KCNJ6: variants seen among roughly 807,000 people sequenced by gnomAD.
KCNJ6 encodes the protein G protein-activated inward rectifier potassium channel 2.
In KCNJ6, 9 loss-of-function variants were observed where a neutral mutation model predicts 34.2. The ratio of observed to expected loss-of-function variants is 0.26; its 90% CI spans 0.16 to 0.46. The LOEUF (loss-of-function observed/expected upper bound fraction) is 0.46. KCNJ6 is among the 20% of genes least tolerant of loss of function. KCNJ6 has a pLI of 1.00. For synonymous variants in KCNJ6, 196 were observed against 207.1 expected (o/e 0.95, Z 0.46); for missense variants, 236 against 531.3 (o/e 0.44, Z 5.46).
chr21:37,641,174 G>A (rs2054379204), intron 3 of KCNJ6, among the ~76,000 whole-genome samples: 1 of 152,152 alleles, frequency 6.6e-6, no homozygotes, highest in Admixed American at 6.5e-5. Flanking sequence ...TCTGGGGATG[G>A]GGGTTTCTGT....
Position 37,741,560 on chromosome 21 carries a change from C to G in KCNJ6, c.26-26429G>C, listed in dbSNP as rs577295953. 3.3e-5 allele frequency among the ~76,000 whole-genome samples: 5 copies of G among 152,306 alleles called. No individual in the cohort carries two copies. The South Asian group carries it at 1.0e-3, about 32-fold the overall frequency. On this transcript the variant is annotated intron_variant, in intron 2 of 3. Transcript: ENST00000609713. ...GTGATGGCTCTAGATGTTGCCAGCC[C>G]TGGGTTCCTCTCCTTTCCTTCTTGG...
chr21:37,732,311 C>T (rs1314551033), intron 2 of KCNJ6, among the ~76,000 whole-genome samples: 4 of 152,174 alleles, frequency 2.6e-5, no homozygotes, highest in African/African-American at 9.7e-5. Flanking sequence ...GACAGTTGTT[C>T]CAGTCTTTCC....
chr21:37,847,023 G>A (rs948657171), intron 1 of KCNJ6, among the ~76,000 whole-genome samples: 2 of 152,142 alleles, frequency 1.3e-5, no homozygotes, highest in Non-Finnish European at 2.9e-5. Flanking sequence ...TTGAGTTGCT[G>A]CCGAAAAATA....
chr21:37,778,696 C>CGTGCGTGTGTGTGT (rs2055154476), intron 2 of KCNJ6, among the ~76,000 whole-genome samples: 1 of 146,170 alleles, frequency 6.8e-6, no homozygotes, highest in East Asian at 2.0e-4. Flanking sequence ...GTGCTGTGTG[C>CGTGCGTGTGTGTGT]GTGTGTGTGT....
At chr21:37,649,157 A>AAAAC (rs755535850) in intron 3 of KCNJ6, among the ~76,000 whole-genome samples, 3,243 of 133,816 alleles carry the variant, frequency 0.024, 237 homozygotes, top group Middle Eastern at 0.034. Context: ...AAAAAAAAGA[A>AAAAC]AGAAAAAGAA....
chr21:37,810,154 AT>A (rs1186304679), intron 2 of KCNJ6, among the ~76,000 whole-genome samples: 4 of 151,932 alleles, frequency 2.6e-5, no homozygotes, highest in African/African-American at 9.7e-5. Context: ...AACACACAAA[AT>A]TTTTTCAAGT....
intron 2 of KCNJ6, among the ~76,000 whole-genome samples, chr21:37,753,311 T>A (rs1324851721): frequency 6.6e-6 from 1 of 152,210 alleles, no homozygotes; most frequent in Non-Finnish European, 1.5e-5. Flanking sequence ...GCTGTGATCC[T>A]GAACGTCCCC....
At chr21:37,715,711 T>A (rs901658825) in intron 2 of KCNJ6, among the ~76,000 whole-genome samples, 1 of 152,084 alleles carries the variant, frequency 6.6e-6, no homozygotes, top group Non-Finnish European at 1.5e-5. Context: ...AGGACTGGTA[T>A]CCTTATGCGA....
intron 2 of KCNJ6, among the ~76,000 whole-genome samples, chr21:37,792,717 G>A (rs2055222551): frequency 6.6e-6 from 1 of 152,166 alleles, no homozygotes. Flanking sequence ...CACACAGTGA[G>A]TCTAGGGAGC....
intron 2 of KCNJ6, among the ~76,000 whole-genome samples, chr21:37,817,584 G>T (rs2055352569): frequency 6.6e-6 from 1 of 152,194 alleles, no homozygotes; most frequent in African/African-American, 2.4e-5. Context: ...TTTCTCCAAA[G>T]TATTTTCCTT....
At chr21:37,637,829 CACACAGA>C (rs1184600665) in intron 3 of KCNJ6, among the ~76,000 whole-genome samples, 1 of 152,210 alleles carries the variant, frequency 6.6e-6, no homozygotes, top group East Asian at 1.9e-4. Flanking sequence ...TTTCTACATG[CACACAGA>C]AGAGGCCGTG....
intron 3 of KCNJ6, among the ~76,000 whole-genome samples, chr21:37,659,073 CTTTG>C (rs954943512): frequency 6.6e-6 from 1 of 152,254 alleles, no homozygotes; most frequent in African/African-American, 2.4e-5. Context: ...TGCTTTGCTA[CTTTG>C]TAAGGGCTTC....
intron 2 of KCNJ6, among the ~76,000 whole-genome samples, chr21:37,775,851 T>C (rs918838848): frequency 9.9e-5 from 15 of 151,712 alleles, no homozygotes; most frequent in African/African-American, 3.6e-4. Flanking sequence ...TTTGGTTCCA[T>C]ATGAACTTTA....
chr21:37,761,911 A>C (rs1014633426), intron 2 of KCNJ6, among the ~76,000 whole-genome samples: 1 of 152,084 alleles, frequency 6.6e-6, no homozygotes, highest in African/African-American at 2.4e-5. Flanking sequence ...TACACTTTCC[A>C]CACCTTTTGC....
intron 2 of KCNJ6, among the ~76,000 whole-genome samples, chr21:37,732,768 T>G (rs2054892378): frequency 6.6e-6 from 1 of 152,140 alleles, no homozygotes; most frequent in East Asian, 1.9e-4. Flanking sequence ...AAAATTGAAT[T>G]TCATTTTCTC....
intron 1 of KCNJ6, among the ~76,000 whole-genome samples, chr21:37,896,717 C>G (rs142383034): frequency 6.0e-4 from 92 of 152,236 alleles, no homozygotes; most frequent in African/African-American, 2.0e-3. Flanking sequence ...TAGGAACACT[C>G]AGGGTTTCTC....
chr21:37,657,418 G>A (rs1384872287), intron 3 of KCNJ6, among the ~76,000 whole-genome samples: 1 of 152,216 alleles, frequency 6.6e-6, no homozygotes, highest in African/African-American at 2.4e-5. Flanking sequence ...TCTGGGGTGA[G>A]GCTCAGCAGT....
intron 2 of KCNJ6, among the ~76,000 whole-genome samples, chr21:37,832,415 C>T (rs182618557): frequency 2.0e-5 from 3 of 152,094 alleles, no homozygotes; most frequent in Admixed American, 2.0e-4. Context: ...CTTCCTCGGC[C>T]CTTAACTCCC....
chr21:37,660,829 G>A (rs2835881), intron 3 of KCNJ6, among the ~76,000 whole-genome samples: 70,685 of 152,014 alleles, frequency 0.46, 16,614 homozygotes, highest in Middle Eastern at 0.54. Flanking sequence ...TCTTGGTAAG[G>A]CCTGTCTCCC....
Sources: gnomAD v4.1 joint callset for allele counts (sites outside exome capture counted in the v4.1 genomes callset) on GRCh38, gnomAD v4.1.1 for gene constraint, MANE v1.5 for transcripts, NCBI Gene and HGNC (gene_info 2026-07-23, HGNC 2026-07-21) for gene names.